Variants in GLIS3 observed in about 807,000 individuals in gnomAD.
GLIS3 encodes the protein GLIS family zinc finger 3, also known as zinc finger protein GLIS3.
GLIS3 carries 53 observed loss-of-function variants against 78.6 expected under a neutral mutation model. That is an observed-to-expected ratio of 0.67 (90% CI 0.54 to 0.85). The LOEUF (loss-of-function observed/expected upper bound fraction) is 0.85, where lower values mean the gene tolerates loss of function less well. GLIS3 is among the 40% of genes least tolerant of loss of function. The pLI is 0.00. For missense variants in GLIS3, 1,703 were observed against 1,231.1 expected (o/e 1.38, Z -5.74); for synonymous variants, 684 against 509.9 (o/e 1.34, Z -4.60).
chr9:4,374,879 C>T, the GLIS3 span, among the ~76,000 whole-genome samples: 1 of 152,236 alleles, frequency 6.6e-6, no homozygotes, highest in East Asian at 1.9e-4. Context: ...TACTATTTTG[C>T]CATCCATTTT....
At position 4,261,429 on chromosome 9, in the gene GLIS3, G is replaced by T. The variant is rs996337361; in HGVS notation, c.388+24609C>A. 2.6e-5 allele frequency among the ~76,000 whole-genome samples: 4 copies of T among 152,292 alleles called. No individual in the cohort carries two copies. In the East Asian group the frequency reaches 7.7e-4, roughly 29 times the overall value. On this transcript the variant is annotated intron_variant, in intron 2 of 10. Transcript: ENST00000381971. ...ATAAAAAGAGAACAGAAGGGATGGT[G>T]AAAGTATGAATGGAAACATGGAGAT...
At chr9:4,437,420 G>GTATGTATGTATC in the GLIS3 span, among the ~76,000 whole-genome samples, 1,879 of 126,922 alleles carry the variant, frequency 0.015, 17 homozygotes, top group African/African-American at 0.03. Flanking sequence ...ATGTATGTAT[G>GTATGTATGTATC]TATCTATCTA....
At chr9:4,162,847 G>C (rs1300535342) in intron 2 of GLIS3, among the ~76,000 whole-genome samples, 1 of 95,836 alleles carries the variant, frequency 1.0e-5, no homozygotes, top group South Asian at 4.2e-4. Flanking sequence ...ACAGAGTCTC[G>C]CTCTGTCAAA....
rs772241263 is a variant in GLIS3 at position 4,286,345 on chromosome 9, G to A, written c.81C>T (p.His27=). Residue 27 remains histidine, a synonymous_variant, in exon 2 of 11, where the codon CAC becomes CAT. Coordinates refer to ENST00000381971, the MANE Select transcript of GLIS3 (RefSeq NM_001042413.2). ...CGGAGTGGGCTCGGATGGCAGGAAT[G>A]TGATGACCACTGACCATCCTAGGCC... ...PQGPRMVSGH[H]IPAIRAHSGT... 1.9e-6 allele frequency: 3 copies of A among 1,614,106 alleles called. No individual in the cohort carries two copies. Among genetic ancestry groups the A allele is most frequent in the Non-Finnish European group, 2.5e-6 (3 of 1,180,036 alleles).
Position 4,254,527 on chromosome 9 carries a change from A to G in GLIS3, c.388+31511T>C, listed in dbSNP as rs559633536. On this transcript the variant is annotated intron_variant, in intron 2 of 10. Transcript: ENST00000381971. ...TTTATCTGGAAGGGTTAGAAGAGCT[A>G]AAACATTTTGGGAACAAAAAGATAA... Among the ~76,000 whole-genome samples, 5 of 152,344 alleles carry G rather than the reference A, an allele frequency of 3.3e-5. No individual in the cohort carries two copies. In the South Asian group the frequency reaches 1.0e-3, roughly 32 times the overall value.
chr9:3,979,579 G>T (rs1424109106), intron 4 of GLIS3, among the ~76,000 whole-genome samples: 1 of 152,066 alleles, frequency 6.6e-6, no homozygotes, highest in African/African-American at 2.4e-5. Flanking sequence ...ACTTCCTTCA[G>T]GAAGCCTTCT....
intron 4 of GLIS3, among the ~76,000 whole-genome samples, chr9:4,072,470 A>G (rs923617371): frequency 6.6e-6 from 1 of 152,248 alleles, no homozygotes; most frequent in African/African-American, 2.4e-5. Context: ...TAATCTATGC[A>G]TAACACTTGG....
intron 4 of GLIS3, among the ~76,000 whole-genome samples, chr9:4,115,003 T>A (rs895244402): frequency 1.8e-4 from 28 of 152,208 alleles, no homozygotes; most frequent in African/African-American, 6.8e-4. Context: ...GAATGCGTTC[T>A]CTCATGCATG....
chr9:4,143,459 C>G lies in GLIS3; in HGVS notation c.389-17518G>C, dbSNP rs1833964487. Among the ~76,000 whole-genome samples, 3 of 151,788 alleles carry G rather than the reference C, an allele frequency of 2.0e-5. No individual in the cohort carries two copies. The South Asian group carries it at 6.2e-4, about 32-fold the overall frequency. On this transcript the variant is annotated intron_variant, in intron 2 of 10. Transcript: ENST00000381971. ...GTGGGTGCCTGTAATCCCAGCTACT[C>G]AGGAGGCTGAGGCAGGAGAATTGCT...
chr9:3,985,970 GA>G (rs1360254874), intron 4 of GLIS3, among the ~76,000 whole-genome samples: 1 of 152,116 alleles, frequency 6.6e-6, no homozygotes, highest in Non-Finnish European at 1.5e-5. Context: ...CATTTGTGGA[GA>G]AAAAGAAGAG....
At chr9:4,355,938 T>C in the GLIS3 span, among the ~76,000 whole-genome samples, 1 of 152,230 alleles carries the variant, frequency 6.6e-6, no homozygotes, top group Non-Finnish European at 1.5e-5. Flanking sequence ...TATGGTTACA[T>C]AGACATACAT....
chr9:4,140,827 TTG>T (rs1833757576), intron 2 of GLIS3, among the ~76,000 whole-genome samples: 2 of 150,640 alleles, frequency 1.3e-5, no homozygotes, highest in African/African-American at 4.9e-5. Flanking sequence ...AGACGGAGTT[TTG>T]CTCTTATTGC....
At chr9:4,340,910 G>A (rs1817824942) in intron 2 of GLIS3, among the ~76,000 whole-genome samples, 3 of 152,076 alleles carry the variant, frequency 2.0e-5, no homozygotes, top group South Asian at 4.1e-4. Flanking sequence ...TGGCCAGGCT[G>A]GTCTCAAACA....
chr9:4,473,189 A>G, the GLIS3 span, among the ~76,000 whole-genome samples: 11 of 152,198 alleles, frequency 7.2e-5, no homozygotes, highest in African/African-American at 2.7e-4. Flanking sequence ...CTGAATAAAG[A>G]TAATGTGATA....
chr9:3,843,753 T>C (rs1196495242), intron 9 of GLIS3, among the ~76,000 whole-genome samples: 1 of 152,190 alleles, frequency 6.6e-6, no homozygotes, highest in East Asian at 1.9e-4. Flanking sequence ...GCAAAGAACC[T>C]TGGGTAATTA....
the GLIS3 span, among the ~76,000 whole-genome samples, chr9:4,428,054 G>C: frequency 6.6e-6 from 1 of 151,940 alleles, no homozygotes. Context: ...CCAGTGCCGG[G>C]AATAGCATGA....
At chr9:4,447,381 T>A in the GLIS3 span, among the ~76,000 whole-genome samples, 1 of 152,092 alleles carries the variant, frequency 6.6e-6, no homozygotes, top group African/African-American at 2.4e-5. Flanking sequence ...GGCCTTAAAT[T>A]TCTTTTAAGA....
intron 4 of GLIS3, among the ~76,000 whole-genome samples, chr9:3,969,784 C>G (rs1818244799): frequency 6.6e-6 from 1 of 152,196 alleles, no homozygotes; most frequent in South Asian, 2.1e-4. Context: ...TGGTTGCTTT[C>G]AGTCACTCCT....
At chr9:4,273,536 T>A (rs1309227503) in intron 2 of GLIS3, among the ~76,000 whole-genome samples, 13 of 151,918 alleles carry the variant, frequency 8.6e-5, no homozygotes. Flanking sequence ...GAGGCTGCAG[T>A]GAGCTATGAT....
Sources: gnomAD v4.1 joint callset for allele counts (sites outside exome capture counted in the v4.1 genomes callset) on GRCh38, gnomAD v4.1.1 for gene constraint, MANE v1.5 for transcripts, NCBI Gene and HGNC (gene_info 2026-07-23, HGNC 2026-07-21) for gene names.